The following DNAAF19 variants were observed in gnomAD, a reference collection of about 807,000 sequenced individuals.
DNAAF19 encodes the protein dynein axonemal assembly factor 19.
chr17:44,901,241 G>A, the DNAAF19 span: 114 of 1,383,468 alleles, frequency 8.2e-5, 1 homozygote, highest in Middle Eastern at 2.0e-4. Context: ...TGGCCCCACC[G>A]TCTACTGTTT....
the DNAAF19 span, chr17:44,901,028 G>A: frequency 6.2e-7 from 1 of 1,602,916 alleles, no homozygotes. Context: ...TCAACTTCAA[G>A]GCTTTGGAGA....
At chr17:44,904,572 C>T in the DNAAF19 span, 1 of 1,550,576 alleles carries the variant, frequency 6.4e-7, no homozygotes, top group East Asian at 2.4e-5. Context: ...AAGACAAAGA[C>T]CATCCGGGAG....
At chr17:44,904,633 G>T in the DNAAF19 span, 1 of 1,550,512 alleles carries the variant, frequency 6.4e-7, no homozygotes, top group Non-Finnish European at 8.7e-7. Context: ...GCCGGCCCTG[G>T]GTGCCCCAGG....
chr17:44,901,484 T>C, the DNAAF19 span: 1 of 1,613,130 alleles, frequency 6.2e-7, no homozygotes. Flanking sequence ...GACACAGCAT[T>C]AAGTCCATTG....
chr17:44,903,664 A>ATTGCC, the DNAAF19 span: 1 of 1,433,456 alleles, frequency 7.0e-7, no homozygotes, highest in East Asian at 2.5e-5. Context: ...CTGGGAATAA[A>ATTGCC]TTGCCTTGCA....
At chr17:44,903,688 T>C in the DNAAF19 span, 2 of 1,437,480 alleles carry the variant, frequency 1.4e-6, no homozygotes, top group African/African-American at 2.9e-5. Flanking sequence ...GGCGGCTTCC[T>C]CTGCAGATTG....
chr17:44,901,033 T>C, the DNAAF19 span: 1 of 1,601,458 alleles, frequency 6.2e-7, no homozygotes, highest in Non-Finnish European at 8.5e-7. Context: ...TTCAAGGCTT[T>C]GGAGAAAGAG....
the DNAAF19 span, chr17:44,904,960 T>C: frequency 1.9e-6 from 3 of 1,550,650 alleles, no homozygotes; most frequent in South Asian, 3.6e-5. Flanking sequence ...CTCGCTCGGC[T>C]GTGGAGCTCA....
chr17:44,903,604 C>G, the DNAAF19 span: 6 of 1,405,360 alleles, frequency 4.3e-6, no homozygotes, highest in Admixed American at 3.2e-5. Context: ...GCTTTCCCCC[C>G]CCACCCTGAG....
At chr17:44,902,431 A>G in the DNAAF19 span, 1 of 1,614,198 alleles carries the variant, frequency 6.2e-7, no homozygotes, top group Non-Finnish European at 8.5e-7. Context: ...ACACTTGCCA[A>G]GTGGGCCAGA....
At chr17:44,904,717 T>C in the DNAAF19 span, 5 of 1,550,558 alleles carry the variant, frequency 3.2e-6, no homozygotes, top group South Asian at 1.2e-5. Context: ...GGCCAGAGCA[T>C]GCAGTGGCCT....
the DNAAF19 span, chr17:44,902,705 C>T: frequency 2.5e-6 from 4 of 1,613,942 alleles, no homozygotes; most frequent in Non-Finnish European, 3.4e-6. Context: ...AACCCCAGAT[C>T]CGTGAAGGAG....
the DNAAF19 span, chr17:44,902,635 C>A: frequency 6.2e-7 from 1 of 1,614,144 alleles, no homozygotes; most frequent in Non-Finnish European, 8.5e-7. Context: ...CCTAAGCCTG[C>A]TGAGCCGGGC....
chr17:44,903,506 C>G, the DNAAF19 span: 4 of 1,281,966 alleles, frequency 3.1e-6, no homozygotes, highest in Non-Finnish European at 3.9e-6. Context: ...GCACCTCGGC[C>G]CGCCCTTCTC....
At chr17:44,904,308 A>T in the DNAAF19 span, 1 of 1,546,792 alleles carries the variant, frequency 6.5e-7, no homozygotes, top group Non-Finnish European at 8.7e-7. Context: ...CCCTTTGCAG[A>T]TGAATACTAT....
At chr17:44,905,037 A>T in the DNAAF19 span, 3 of 1,548,118 alleles carry the variant, frequency 1.9e-6, no homozygotes, top group South Asian at 2.4e-5. Context: ...TGCTGCTGCT[A>T]CTTATTTCAC....
At chr17:44,904,726 C>G in the DNAAF19 span, 1 of 1,550,588 alleles carries the variant, frequency 6.4e-7, no homozygotes, top group Admixed American at 2.0e-5. Context: ...ATGCAGTGGC[C>G]TGGGACAAAG....
the DNAAF19 span, chr17:44,904,921 C>G: frequency 6.4e-7 from 1 of 1,550,628 alleles, no homozygotes; most frequent in Non-Finnish European, 8.7e-7. Context: ...CTCATGGGCA[C>G]TACCCAGCCT....
At chr17:44,901,696 C>A in the DNAAF19 span, 1 of 1,595,674 alleles carries the variant, frequency 6.3e-7, no homozygotes, top group South Asian at 1.1e-5. Flanking sequence ...ATTCTCTGCC[C>A]TAAAGCTTCA....
Sources: gnomAD v4.1 joint callset for allele counts on GRCh38, gnomAD v4.1.1 for gene constraint, MANE v1.5 for transcripts, NCBI Gene and HGNC (gene_info 2026-07-23, HGNC 2026-07-21) for gene names.